The following SCRG1 variants were observed in gnomAD, a reference collection of about 807,000 sequenced individuals.
The protein encoded by SCRG1 is scrapie-responsive protein 1.
A neutral mutation model predicts 7.7 loss-of-function variants in SCRG1; 3 were observed. That is an observed-to-expected ratio of 0.39 (90% CI 0.18 to 1.01). The LOEUF is 1.01. SCRG1 is among the 50% of genes least tolerant of loss of function. SCRG1 has a pLI of 0.36. For synonymous variants in SCRG1, 46 were observed against 41.2 expected (o/e 1.12, Z -0.44); for missense variants, 110 against 117.2 (o/e 0.94, Z 0.28).
the SCRG1 span, among the ~76,000 whole-genome samples, chr4:173,442,162 T>C: frequency 7.2e-5 from 11 of 152,236 alleles, no homozygotes; most frequent in Non-Finnish European, 1.6e-4. Flanking sequence ...AATGTACTTA[T>C]TTTTCAGGCC....
chr4:173,427,138 GACTT>G, the SCRG1 span, among the ~76,000 whole-genome samples: 1 of 152,150 alleles, frequency 6.6e-6, no homozygotes, highest in African/African-American at 2.4e-5. Flanking sequence ...AGGAAAATGA[GACTT>G]AGGAGGTTAG....
the SCRG1 span, among the ~76,000 whole-genome samples, chr4:173,498,053 G>A: frequency 6.6e-6 from 1 of 152,126 alleles, no homozygotes; most frequent in Non-Finnish European, 1.5e-5. Flanking sequence ...TTGGGAGTTT[G>A]TTGTGTGAAG....
the SCRG1 span, among the ~76,000 whole-genome samples, chr4:173,481,978 A>G: frequency 6.6e-6 from 1 of 151,974 alleles, no homozygotes; most frequent in South Asian, 2.1e-4. Flanking sequence ...TTTTTTAATC[A>G]GCCTACTTTC....
At chr4:173,503,832 T>C in the SCRG1 span, among the ~76,000 whole-genome samples, 2 of 152,048 alleles carry the variant, frequency 1.3e-5, no homozygotes, top group Non-Finnish European at 2.9e-5. This position sits in a 1 kb window ranked among gnomAD's most constrained non-coding sequence, Gnocchi z 6.4. Flanking sequence ...CTGCCCAAAC[T>C]CCCAACAGCT....
At chr4:173,509,727 G>A in the SCRG1 span, among the ~76,000 whole-genome samples, 1 of 152,168 alleles carries the variant, frequency 6.6e-6, no homozygotes, top group Non-Finnish European at 1.5e-5. The surrounding 1 kb of genome is among the most constrained non-coding windows in gnomAD (Gnocchi z 5.7). Context: ...CCCACCCCAG[G>A]GCCCTTCTCG....
chr4:173,512,196 TG>T, the SCRG1 span, among the ~76,000 whole-genome samples: 5 of 152,194 alleles, frequency 3.3e-5, no homozygotes. Context: ...AGATGCCCTT[TG>T]GTCCTGAGAG....
chr4:173,501,835 A>G, the SCRG1 span, among the ~76,000 whole-genome samples: 2 of 152,160 alleles, frequency 1.3e-5, no homozygotes, highest in Non-Finnish European at 2.9e-5. This position sits in a 1 kb window ranked among gnomAD's most constrained non-coding sequence, Gnocchi z 5.1. Flanking sequence ...ACACACAGGA[A>G]CCACCGCGCG....
At chr4:173,476,379 T>TATATAA in the SCRG1 span, among the ~76,000 whole-genome samples, 1 of 137,254 alleles carries the variant, frequency 7.3e-6, no homozygotes, top group Non-Finnish European at 1.6e-5. Flanking sequence ...TATATATATA[T>TATATAA]AATGAATTGA....
At chr4:173,494,173 C>T in the SCRG1 span, among the ~76,000 whole-genome samples, 2 of 152,148 alleles carry the variant, frequency 1.3e-5, no homozygotes, top group Non-Finnish European at 2.9e-5. Context: ...CCCACAGGTA[C>T]GTGCACACCC....
chr4:173,504,109 G>A, the SCRG1 span, among the ~76,000 whole-genome samples: 1 of 152,214 alleles, frequency 6.6e-6, no homozygotes, highest in African/African-American at 2.4e-5. The surrounding 1 kb of genome is among the most constrained non-coding windows in gnomAD (Gnocchi z 4.7). Flanking sequence ...CTGTGACCAT[G>A]TTCGCTGGTG....
At chr4:173,444,427 A>G in the SCRG1 span, among the ~76,000 whole-genome samples, 4 of 152,258 alleles carry the variant, frequency 2.6e-5, no homozygotes, top group East Asian at 1.9e-4. Context: ...TTGCAGGCAC[A>G]TGATCTCTGT....
chr4:173,432,476 C>T, the SCRG1 span, among the ~76,000 whole-genome samples: 864 of 151,846 alleles, frequency 5.7e-3, 9 homozygotes, highest in African/African-American at 0.02. Context: ...CCCTCCATCC[C>T]GGTCATTCCT....
At chr4:173,484,356 ATATATAT>A in the SCRG1 span, among the ~76,000 whole-genome samples, 13 of 63,084 alleles carry the variant, frequency 2.1e-4, no homozygotes, top group African/African-American at 7.9e-4. Context: ...ATAATATATA[ATATATAT>A]TATATATTAT....
chr4:173,430,177 C>T, the SCRG1 span, among the ~76,000 whole-genome samples: 3 of 152,090 alleles, frequency 2.0e-5, no homozygotes, highest in Admixed American at 2.0e-4. Context: ...TTTATCTTCT[C>T]CCAGTAGGAG....
At chr4:173,487,413 A>C in the SCRG1 span, among the ~76,000 whole-genome samples, 1 of 152,212 alleles carries the variant, frequency 6.6e-6, no homozygotes, top group Non-Finnish European at 1.5e-5. Context: ...TAACATCAGT[A>C]AACAAGATGA....
the SCRG1 span, among the ~76,000 whole-genome samples, chr4:173,418,052 G>A: frequency 6.6e-6 from 1 of 151,996 alleles, no homozygotes; most frequent in African/African-American, 2.4e-5. Context: ...CAGCTTGGCT[G>A]GATGAATAAT....
At chr4:173,414,653 A>G in the SCRG1 span, among the ~76,000 whole-genome samples, 144,273 of 152,306 alleles carry the variant, frequency 0.95, 68,818 homozygotes, top group Non-Finnish European at 1. Flanking sequence ...GTTCTCATCT[A>G]CAAGAGCAGA....
At chr4:173,451,622 T>C in the SCRG1 span, among the ~76,000 whole-genome samples, 106 of 37,916 alleles carry the variant, frequency 2.8e-3, 1 homozygote, top group East Asian at 6.9e-3. Flanking sequence ...TTTATTTTAT[T>C]TTACTTACTT....
chr4:173,484,803 T>A, the SCRG1 span, among the ~76,000 whole-genome samples: 11 of 93,038 alleles, frequency 1.2e-4, no homozygotes, highest in East Asian at 3.1e-4. Context: ...TATTATATAT[T>A]ATATATTATA....
Sources: gnomAD v4.1 joint callset for allele counts (sites outside exome capture counted in the v4.1 genomes callset) on GRCh38, gnomAD v4.1.1 for gene constraint, Gnocchi (gnomAD v3.1) non-coding constraint, MANE v1.5 for transcripts, NCBI Gene and HGNC (gene_info 2026-07-23, HGNC 2026-07-21) for gene names.